Variants in PTPRC observed in about 807,000 individuals in gnomAD.
PTPRC encodes the protein protein tyrosine phosphatase receptor type C.
Under a neutral mutation model 155.9 loss-of-function variants are expected in PTPRC, and 44 were observed. That is an observed-to-expected ratio of 0.28 (90% CI 0.22 to 0.36). The LOEUF is 0.36. Ranked by LOEUF, PTPRC falls within the 10% of genes least tolerant of loss-of-function variation. The pLI is 1.00. For missense variants in PTPRC, 1,401 were observed against 1,564.6 expected (o/e 0.90, Z 1.76); for synonymous variants, 525 against 533.1 (o/e 0.98, Z 0.21).
chr1:198,666,467 A>T (rs1207613071), intron 2 of PTPRC, among the ~76,000 whole-genome samples: 1 of 152,192 alleles, frequency 6.6e-6, no homozygotes, highest in Non-Finnish European at 1.5e-5. Context: ...TATAAAGAAA[A>T]TAAAGAAATA....
intron 8 of PTPRC, among the ~76,000 whole-genome samples, chr1:198,706,411 A>G (rs1652971150): frequency 6.6e-6 from 1 of 152,220 alleles, no homozygotes; most frequent in South Asian, 2.1e-4. Context: ...GTTCCCATTA[A>G]TGATACATAT....
intron 14 of PTPRC, among the ~76,000 whole-genome samples, chr1:198,721,217 G>A (rs12131753): frequency 0.013 from 1,961 of 152,272 alleles, 25 homozygotes; most frequent in Non-Finnish European, 0.016. Context: ...TCATGAGAGA[G>A]CAGTCATTTC....
At chr1:198,658,560 G>A (rs1293403694) in intron 2 of PTPRC, among the ~76,000 whole-genome samples, 1 of 152,114 alleles carries the variant, frequency 6.6e-6, no homozygotes, top group Non-Finnish European at 1.5e-5. Flanking sequence ...TTGTCCTGAA[G>A]TGGTAACTTT....
chr1:198,709,891 A>G, intron 11 of PTPRC, 67 bp downstream of exon 11: 2 of 1,567,220 alleles, frequency 1.3e-6, no homozygotes, highest in East Asian at 4.6e-5. Context: ...ATTATTTGAG[A>G]ATCATAGGAA....
intron 2 of PTPRC, among the ~76,000 whole-genome samples, chr1:198,641,019 T>C (rs116152736): frequency 0.013 from 2,036 of 152,108 alleles, 45 homozygotes; most frequent in African/African-American, 0.042. Flanking sequence ...TCTAGAAACC[T>C]TTATATCAAC....
chr1:198,671,352 T>G (rs1316569165), intron 2 of PTPRC, among the ~76,000 whole-genome samples: 1 of 152,172 alleles, frequency 6.6e-6, no homozygotes, highest in East Asian at 1.9e-4. Flanking sequence ...TTCCTTCTTT[T>G]CAAAACCCTG....
At chr1:198,740,043 CA>C (rs1337163785) in intron 23 of PTPRC, among the ~76,000 whole-genome samples, 3 of 151,396 alleles carry the variant, frequency 2.0e-5, no homozygotes, top group Middle Eastern at 3.2e-3. Flanking sequence ...CACAACAAAC[CA>C]AATCCTGTGT....
chr1:198,697,302 A>G (rs1489458929), intron 4 of PTPRC, among the ~76,000 whole-genome samples: 2 of 152,178 alleles, frequency 1.3e-5, no homozygotes, highest in African/African-American at 2.4e-5. Context: ...GAGTCTTCCC[A>G]TTTCTTTGTT....
chr1:198,698,777 CATATACAT>C (rs1300396884), intron 4 of PTPRC, among the ~76,000 whole-genome samples: 1 of 151,696 alleles, frequency 6.6e-6, no homozygotes, highest in African/African-American at 2.4e-5. Flanking sequence ...TGTATACATA[CATATACAT>C]ATATACATAT....
chr1:198,757,334 A>ATGT lies in PTPRC; in HGVS notation c.*1155_*1157dup, dbSNP rs1655733251. ...GAAATGTGTATGCACCTATTGAAATATGTTTAATGCATTTATTAACATTTG... is the reference window on the plus strand; with the variant it reads ...GAAATGTGTATGCACCTATTGAAATATGTTGTTTAATGCATTTATTAACATTTG... On this transcript the variant is annotated 3_prime_UTR_variant, in exon 33 of 33. Transcript: ENST00000442510. The ATGT allele has an allele frequency of 6.6e-6, 1 of 151,810 alleles. No homozygotes were observed. Among genetic ancestry groups the ATGT allele is most frequent in the Admixed American group, 6.6e-5 (1 of 15,202 alleles). 9.4% of individuals were successfully genotyped at this position (151,810 alleles called of 1,614,324 possible).
chr1:198,689,485 G>A (rs75738133), intron 2 of PTPRC, among the ~76,000 whole-genome samples: 1 of 152,224 alleles, frequency 6.6e-6, no homozygotes, highest in African/African-American at 2.4e-5. Flanking sequence ...GAATATAGGG[G>A]TCTGTGGAAT....
At chr1:198,649,813 C>G (rs1271621996) in intron 2 of PTPRC, among the ~76,000 whole-genome samples, 1 of 151,860 alleles carries the variant, frequency 6.6e-6, no homozygotes, top group Admixed American at 6.6e-5. Flanking sequence ...TTTTATGAAA[C>G]TGACTTCCTA....
chr1:198,695,083 G>A (rs867106654), intron 3 of PTPRC: 2 of 915,640 alleles, frequency 2.2e-6, no homozygotes, highest in Middle Eastern at 5.7e-4. Context: ...CATGTATATT[G>A]GAATTGAAGT....
intron 2 of PTPRC, among the ~76,000 whole-genome samples, chr1:198,670,602 T>C (rs1311667811): frequency 6.6e-6 from 1 of 152,114 alleles, no homozygotes; most frequent in African/African-American, 2.4e-5. Flanking sequence ...AAACACAATT[T>C]TGAGAGAAGT....
chr1:198,659,617 C>A lies in PTPRC; in HGVS notation c.73+20276C>A, dbSNP rs193248599. 4.0e-5 allele frequency among the ~76,000 whole-genome samples: 6 copies of A among 151,850 alleles called. No individual in the cohort carries two copies. The East Asian group carries it at 9.7e-4, about 24-fold the overall frequency. ...TGGCATGATCTCAGCTCACTGCAAC[C>A]TACGCTTCCCAGGTTCAAAGAATTC... On this transcript the variant is annotated intron_variant, in intron 2 of 32. Transcript: ENST00000442510.
At chr1:198,729,675 T>C (rs1654301029) in intron 17 of PTPRC, among the ~76,000 whole-genome samples, 1 of 152,224 alleles carries the variant, frequency 6.6e-6, no homozygotes, top group African/African-American at 2.4e-5. Flanking sequence ...TTGTGCCAGG[T>C]ACTGAGAGTA....
intron 17 of PTPRC, among the ~76,000 whole-genome samples, chr1:198,730,114 A>G (rs1482959870): frequency 6.6e-6 from 1 of 152,128 alleles, no homozygotes. Flanking sequence ...TGATCCAGTA[A>G]AAGGGGACAA....
At position 198,716,808 on chromosome 1, in the gene PTPRC, C is replaced by A; in HGVS notation, c.1418C>A (p.Ala473Asp). The A allele has an allele frequency of 6.2e-7, 1 of 1,613,594 alleles. No homozygotes were observed. Among genetic ancestry groups the A allele is most frequent in the Non-Finnish European group, 8.5e-7 (1 of 1,179,890 alleles). The stretch of plus-strand genomic sequence containing the variant: ...GCAAAAGTGCAACGTAATGGAAGTG[C>A]TGCAATGTGTCATTTCACAACTAAA... ...IIAKVQRNGS[A>D]AMCHFTTKSA... The change falls in exon 13 of 33, where the codon GCT becomes GAT. Residue 473 changes from alanine to aspartate, a missense_variant. Transcript: ENST00000442510.
chr1:198,731,797 T>G, intron 18 of PTPRC, 71 bp downstream of exon 18: 3 of 1,194,838 alleles, frequency 2.5e-6, no homozygotes, highest in Non-Finnish European at 3.7e-6. Context: ...GTATTTATAT[T>G]GCCATTTGCC....
Sources: allele counts gnomAD v4.1 joint callset (sites outside exome capture counted in the v4.1 genomes callset), GRCh38; gene constraint gnomAD v4.1.1; transcripts MANE v1.5; gene names NCBI Gene and HGNC (gene_info 2026-07-23, HGNC 2026-07-21).